The following FAM193B variants were observed in gnomAD, a reference collection of about 807,000 sequenced individuals.
The protein encoded by FAM193B is protein FAM193B.
Under a neutral mutation model 70.7 loss-of-function variants are expected in FAM193B, and 27 were observed. The ratio of observed to expected loss-of-function variants is 0.38; its 90% CI spans 0.28 to 0.53. The LOEUF (loss-of-function observed/expected upper bound fraction) is 0.53, where lower values mean the gene tolerates loss of function less well. FAM193B is among the 20% of genes least tolerant of loss of function. The pLI, the probability that FAM193B is intolerant of heterozygous loss-of-function variation, is 0.81. For missense variants in FAM193B, 1,022 were observed against 1,072.5 expected (o/e 0.95, Z 0.66); for synonymous variants, 448 against 436.0 (o/e 1.03, Z -0.34).
At chr5:177,552,348 A>G (rs775864918) in intron 1 of FAM193B, among the ~76,000 whole-genome samples, 6 of 152,246 alleles carry the variant, frequency 3.9e-5, no homozygotes, top group African/African-American at 7.2e-5. Context: ...TAAGGTATGT[A>G]AAGTGCCTGG....
rs199726921 is a variant in FAM193B at position 177,522,507 on chromosome 5, A to AT, written c.2373-437dup. 2.5e-3 allele frequency among the ~76,000 whole-genome samples: 376 copies of AT among 149,668 alleles called. 1 individual carries two copies. Among genetic ancestry groups the AT allele is most frequent in the African/African-American group, 8.1e-3 (331 of 40,772 alleles). ...CCATATACTTTTTTTTAAAATTACT[A>AT]TTTTTTTTTTAAATAAGAGATAGGG... On this transcript the variant is annotated intron_variant, in intron 7 of 8. Coordinates refer to ENST00000514747, the MANE Select transcript of FAM193B (RefSeq NM_001190946.3).
At position 177,536,666 on chromosome 5, in the gene FAM193B, C is replaced by A. The variant is rs552535575; in HGVS notation, c.768G>T (p.Pro256=). ...APPNSPTGHH[P]QPASLIPSHP... Reference sequence around the variant, plus strand: ...GAGACGGGATTAGAGATGCTGGCTGCGGGTGGTGGCCGGTGGGGCTGTTAG... The same window carrying A: ...GAGACGGGATTAGAGATGCTGGCTGAGGGTGGTGGCCGGTGGGGCTGTTAG... Residue 256 remains proline, a synonymous_variant, in exon 4 of 9, where the codon CCG becomes CCT. Transcript: ENST00000514747. 8 of 1,559,008 alleles carry A rather than the reference C, an allele frequency of 5.1e-6. No homozygotes were observed. Among genetic ancestry groups the A allele is most frequent in the Non-Finnish European group, 6.0e-6 (7 of 1,157,872 alleles).
At chr5:177,536,895 G>A (rs1245642810) in intron 3 of FAM193B, 150 bp from the exon 4 acceptor site, 4 of 1,124,790 alleles carry the variant, frequency 3.6e-6, no homozygotes, top group Non-Finnish European at 4.9e-6. Context: ...AAGATTCTGT[G>A]TGGGCAGCAA....
At chr5:177,553,972 G>A (rs929623596) in intron 1 of FAM193B, 3 of 1,262,692 alleles carry the variant, frequency 2.4e-6, no homozygotes, top group African/African-American at 3.1e-5. Flanking sequence ...CCCAGTCCCA[G>A]TCCCAGTGTG....
chr5:177,552,125 T>C, intron 1 of FAM193B: 1 of 935,772 alleles, frequency 1.1e-6, no homozygotes, highest in Non-Finnish European at 1.3e-6. Flanking sequence ...AGTTTCTGTT[T>C]CTTCATCTGA....
chr5:177,527,912 T>TA (rs1581857036), intron 5 of FAM193B, among the ~76,000 whole-genome samples: 1 of 152,192 alleles, frequency 6.6e-6, no homozygotes, highest in African/African-American at 2.4e-5. Context: ...GAGTCTGAGA[T>TA]ACCTGTGGGA....
intron 1 of FAM193B, among the ~76,000 whole-genome samples, chr5:177,544,065 G>T (rs1360975667): frequency 1.3e-5 from 2 of 152,208 alleles, no homozygotes; most frequent in East Asian, 3.8e-4. Context: ...GGGAAGAAAA[G>T]TTCTGGGGGT....
intron 5 of FAM193B, chr5:177,531,456 G>C: frequency 7.3e-7 from 1 of 1,363,676 alleles, no homozygotes; most frequent in Non-Finnish European, 9.8e-7. Context: ...CTTTCCGCCT[G>C]GTCAGCCTCG....
chr5:177,528,578 C>G (rs1290991069), intron 5 of FAM193B, among the ~76,000 whole-genome samples: 2 of 152,180 alleles, frequency 1.3e-5, no homozygotes, highest in Non-Finnish European at 2.9e-5. Context: ...GGGTGACTCT[C>G]ATGACAAGGA....
Position 177,536,769 on chromosome 5 carries a change from G to A in FAM193B, c.689-24C>T, listed in dbSNP as rs1321440407. The A allele has an allele frequency of 1.9e-6, 3 of 1,544,942 alleles. No homozygotes were observed. In the African/African-American group the frequency reaches 4.1e-5, roughly 21 times the overall value. ...ACCTGTGGGCAGAGGGAGGAGAAAGGGGTCAGAATGGGAGCCCAGACCTGG... is the reference window on the plus strand; with the variant it reads ...ACCTGTGGGCAGAGGGAGGAGAAAGAGGTCAGAATGGGAGCCCAGACCTGG... On this transcript the variant is annotated intron_variant, in intron 3 of 8. Transcript: ENST00000514747.
At chr5:177,534,026 A>G (rs1007562081) in intron 4 of FAM193B, among the ~76,000 whole-genome samples, 2 of 152,230 alleles carry the variant, frequency 1.3e-5, no homozygotes, top group African/African-American at 4.8e-5. Context: ...AGGCTGGGCC[A>G]TGAGCAGCTG....
At chr5:177,525,467 A>C (rs921909318) in intron 5 of FAM193B, 1 of 369,100 alleles carries the variant, frequency 2.7e-6, no homozygotes, top group Admixed American at 4.6e-5. Flanking sequence ...TCAGTGGACT[A>C]ATCTGCAAAA....
Position 177,532,288 on chromosome 5 carries a change from G to C in FAM193B, c.1275+155C>G. The C allele has an allele frequency of 1.3e-6, 2 of 1,491,008 alleles. No homozygotes were observed. The highest frequency in any genetic ancestry group is 1.8e-6 in the Non-Finnish European group (2 of 1,124,516). The allele number at this position is 1,491,008 out of a possible 1,614,324, so 92.4% of individuals were successfully genotyped here. On this transcript the variant is annotated intron_variant, in intron 5 of 8. Coordinates refer to ENST00000514747, the MANE Select transcript of FAM193B (RefSeq NM_001190946.3). The surrounding 1 kb of genome is among the most constrained non-coding windows in gnomAD (Gnocchi z 4.9). ...AAAACCCCTACCTCACAAATGTGCTGTGAGGATCAAGCGAGCAGACGCAGG... is the reference window on the plus strand; with the variant it reads ...AAAACCCCTACCTCACAAATGTGCTCTGAGGATCAAGCGAGCAGACGCAGG...
intron 1 of FAM193B, chr5:177,553,592 A>G: frequency 2.5e-6 from 3 of 1,196,270 alleles, no homozygotes; most frequent in Non-Finnish European, 3.2e-6. Context: ...TCTCAGCAGG[A>G]TTCTCCAAAC....
In FAM193B at chr5:177,532,691, C is replaced by T; in HGVS notation, c.1077-50G>A. ...AGGTGAGGCAGGGTGATGCAGAAAC[C>T]CAGGAAGCATCCCAACCACCACCTG... On this transcript the variant is annotated intron_variant, in intron 4 of 8. Coordinates refer to ENST00000514747, the MANE Select transcript of FAM193B (RefSeq NM_001190946.3). The surrounding 1 kb of genome is among the most constrained non-coding windows in gnomAD (Gnocchi z 4.9). 1.4e-6 allele frequency: 2 copies of T among 1,440,572 alleles called. No homozygotes were observed. The highest frequency in any genetic ancestry group is 1.8e-6 in the Non-Finnish European group (2 of 1,103,676). 89.2% of individuals were successfully genotyped at this position (1,440,572 alleles called of 1,614,324 possible).
At chr5:177,525,733 A>G (rs1253532060) in intron 5 of FAM193B, among the ~76,000 whole-genome samples, 1 of 152,282 alleles carries the variant, frequency 6.6e-6, no homozygotes, top group African/African-American at 2.4e-5. Flanking sequence ...GGTCTCAAGT[A>G]ATCAAGGTCA....
Position 177,524,510 on chromosome 5 carries a change from G to A in FAM193B, c.1971C>T (p.Ala657=), listed in dbSNP as rs377418934. 2.5e-6 allele frequency: 4 copies of A among 1,612,780 alleles called. No homozygotes were observed. The highest frequency in any genetic ancestry group is 3.4e-6 in the Non-Finnish European group (4 of 1,179,720). ...CCTTGGCACTGGGAACCTCTAGGCTGGCTGGGGGCCGGGGGGCTGGGCTTG... is the reference window on the plus strand; with the variant it reads ...CCTTGGCACTGGGAACCTCTAGGCTAGCTGGGGGCCGGGGGGCTGGGCTTG... ...SEASPAPRPP[A]SLEVPSAKGQ... The change falls in exon 6 of 9, where the codon GCC becomes GCT. Residue 657 remains alanine (A), a synonymous_variant. Coordinates refer to ENST00000514747, the MANE Select transcript of FAM193B (RefSeq NM_001190946.3).
At chr5:177,551,729 T>C (rs1376990108) in intron 1 of FAM193B, among the ~76,000 whole-genome samples, 2 of 152,268 alleles carry the variant, frequency 1.3e-5, no homozygotes, top group Non-Finnish European at 2.9e-5. Context: ...GGAAGTGGTC[T>C]TATTTGCCAC....
intron 1 of FAM193B, among the ~76,000 whole-genome samples, chr5:177,550,680 T>G (rs1766096797): frequency 1.3e-5 from 2 of 152,148 alleles, no homozygotes; most frequent in African/African-American, 4.8e-5. Flanking sequence ...ACAAACTCAG[T>G]GGTCCAAGAG....
Sources: allele counts gnomAD v4.1 joint callset (sites outside exome capture counted in the v4.1 genomes callset), GRCh38; gene constraint gnomAD v4.1.1; non-coding constraint Gnocchi (gnomAD v3.1); transcripts MANE v1.5; gene names NCBI Gene and HGNC (gene_info 2026-07-23, HGNC 2026-07-21).